TRPM6: variants seen among roughly 807,000 people sequenced by gnomAD.
The protein encoded by TRPM6 is transient receptor potential cation channel subfamily M member 6.
A neutral mutation model predicts 247.6 loss-of-function variants in TRPM6; 111 were observed. The observed-to-expected ratio is 0.45, with a 90% CI of 0.38 to 0.52. The LOEUF (loss-of-function observed/expected upper bound fraction) is 0.52, where lower values mean the gene tolerates loss of function less well. Ranked by LOEUF, TRPM6 falls within the 20% of genes least tolerant of loss-of-function variation. The pLI is 0.00. For missense variants in TRPM6, 2,126 were observed against 2,421.5 expected (o/e 0.88, Z 2.56); for synonymous variants, 892 against 853.8 (o/e 1.04, Z -0.78).
chr9:74,880,965 T>C (rs1206584091), intron 1 of TRPM6, among the ~76,000 whole-genome samples: 1 of 152,104 alleles, frequency 6.6e-6, no homozygotes, highest in Non-Finnish European at 1.5e-5. Context: ...AATTTTCTAC[T>C]TAACACATAT....
rs772245540 is a variant in TRPM6 at position 74,724,676 on chromosome 9, T to C, written c.6006A>G (p.Ser2002=). Residue 2002 remains serine (S), a synonymous_variant, in exon 39 of 39, where the codon TCA becomes TCG. Coordinates refer to ENST00000360774, the MANE Select transcript of TRPM6 (RefSeq NM_017662.5). ...STFGLEIKIE[S]AEEPPARETG... is the part of the protein sequence containing the mutation. Reference sequence around the variant, plus strand: ...TCTCCCTTGCTGGAGGCTCCTCAGCTGATTCTATTTTTATCTCAAGTCCAA... The same window carrying C: ...TCTCCCTTGCTGGAGGCTCCTCAGCCGATTCTATTTTTATCTCAAGTCCAA... 2 of 1,614,226 alleles carry C rather than the reference T, an allele frequency of 1.2e-6. No homozygotes were observed. Among genetic ancestry groups the C allele is most frequent in the Non-Finnish European group, 1.7e-6 (2 of 1,180,018 alleles).
intron 3 of TRPM6, among the ~76,000 whole-genome samples, chr9:74,850,449 G>C (rs1002859311): frequency 5.9e-5 from 9 of 152,062 alleles, no homozygotes; most frequent in African/African-American, 2.2e-4. Flanking sequence ...GCCGGGCGCG[G>C]TGGCTCACGC....
intron 6 of TRPM6, among the ~76,000 whole-genome samples, chr9:74,831,961 T>C (rs1003014200): frequency 2.0e-5 from 3 of 152,170 alleles, no homozygotes; most frequent in Non-Finnish European, 2.9e-5. Flanking sequence ...CAAAGGACAT[T>C]ATAATTAAAT....
At chr9:74,861,401 A>C (rs183217863) in intron 1 of TRPM6, among the ~76,000 whole-genome samples, 10 of 152,228 alleles carry the variant, frequency 6.6e-5, no homozygotes, top group Admixed American at 5.9e-4. Flanking sequence ...TATTTTTTTA[A>C]TTTTTTGTAT....
chr9:74,734,194 G>A (rs1825619343), intron 36 of TRPM6, among the ~76,000 whole-genome samples: 1 of 152,178 alleles, frequency 6.6e-6, no homozygotes, highest in South Asian at 2.1e-4. Context: ...TAAGATTTGG[G>A]CACAATCCAG....
At chr9:74,729,283 G>A (rs1410455997) in intron 37 of TRPM6, among the ~76,000 whole-genome samples, 1 of 152,174 alleles carries the variant, frequency 6.6e-6, no homozygotes, top group Non-Finnish European at 1.5e-5. Flanking sequence ...TATCACAAAA[G>A]GAAACAATAA....
At chr9:74,763,278 C>T (rs1453980760) in intron 25 of TRPM6, 144 bp from the exon 26 acceptor site, 3 of 786,918 alleles carry the variant, frequency 3.8e-6, no homozygotes, top group African/African-American at 1.7e-5. Context: ...TTCTTCTTCG[C>T]CCAATACATA....
At chr9:74,772,264 C>T (rs542821331) in intron 24 of TRPM6, among the ~76,000 whole-genome samples, 4 of 152,226 alleles carry the variant, frequency 2.6e-5, no homozygotes, top group Non-Finnish European at 4.4e-5. Flanking sequence ...GGCTAAAAAG[C>T]GAGACCCTGT....
chr9:74,747,823 G>T, intron 31 of TRPM6, 66 bp downstream of exon 31: 3 of 1,291,818 alleles, frequency 2.3e-6, no homozygotes, highest in South Asian at 1.2e-5. Context: ...ATATCAGCAG[G>T]ACAGTGAACC....
chr9:74,875,216 C>T, intron 1 of TRPM6: 2 of 455,540 alleles, frequency 4.4e-6, no homozygotes, highest in Non-Finnish European at 8.8e-6. Flanking sequence ...GAGATGTTGG[C>T]CTGCACCTTA....
At chr9:74,789,367 A>G (rs1339076103) in intron 19 of TRPM6, among the ~76,000 whole-genome samples, 1 of 152,190 alleles carries the variant, frequency 6.6e-6, no homozygotes, top group Non-Finnish European at 1.5e-5. Flanking sequence ...ATTACTGTGT[A>G]TATATATGTA....
Position 74,724,380 on chromosome 9 carries a change from A to T in TRPM6, c.*233T>A. 1.7e-6 allele frequency: 1 copy of T among 582,008 alleles called. No individual in the cohort carries two copies. Among genetic ancestry groups the T allele is most frequent in the Non-Finnish European group, 3.0e-6 (1 of 328,022 alleles). The allele number at this position is 582,008 out of a possible 1,614,324, so 36.1% of individuals were successfully genotyped here. ...ATATTCCCAGCTGACTCATCCAAGC[A>T]TCTTCGTGTGGAACTTGAGGATGGA... On this transcript the variant is annotated 3_prime_UTR_variant, in exon 39 of 39. Transcript: ENST00000360774.
chr9:74,780,595 G>A (rs1827404251), intron 23 of TRPM6, among the ~76,000 whole-genome samples: 2 of 152,180 alleles, frequency 1.3e-5, no homozygotes, highest in African/African-American at 4.8e-5. Flanking sequence ...TCTGATGTCT[G>A]CTTTTAAAGG....
Position 74,808,021 on chromosome 9 carries a change from T to C in TRPM6, c.1638+13A>G, listed in dbSNP as rs1225376142. On this transcript the variant is annotated intron_variant, in intron 14 of 38. Transcript: ENST00000360774. ...ATTCTCAATTTTACTTGGGCACTTTTCAATTACTCTACCTTGTATTTTCTG... is the reference window on the plus strand; with the variant it reads ...ATTCTCAATTTTACTTGGGCACTTTCCAATTACTCTACCTTGTATTTTCTG... 1 of 1,613,670 alleles carries C rather than the reference T, an allele frequency of 6.2e-7. No individual in the cohort carries two copies. The highest frequency in any genetic ancestry group is 1.3e-5 in the African/African-American group (1 of 74,904).
chr9:74,727,734 T>TA (rs150086367), intron 38 of TRPM6, among the ~76,000 whole-genome samples: 3,982 of 152,202 alleles, frequency 0.026, 170 homozygotes, highest in African/African-American at 0.088. Context: ...AAATCAGATT[T>TA]AAAAAAATAT....
chr9:74,805,648 T>G (rs1228824068), intron 14 of TRPM6, among the ~76,000 whole-genome samples: 1 of 152,170 alleles, frequency 6.6e-6, no homozygotes, highest in Non-Finnish European at 1.5e-5. Flanking sequence ...ATCATTGGTG[T>G]CCTTAAAGCA....
chr9:74,884,765 GA>G (rs1481066954), intron 1 of TRPM6, among the ~76,000 whole-genome samples: 1 of 151,928 alleles, frequency 6.6e-6, no homozygotes, highest in East Asian at 1.9e-4. Flanking sequence ...CACAATCAAG[GA>G]AAAAAACATA....
intron 26 of TRPM6, 50 bp downstream of exon 26, chr9:74,761,949 G>A: frequency 6.3e-7 from 1 of 1,580,340 alleles, no homozygotes; most frequent in Non-Finnish European, 8.7e-7. Flanking sequence ...AACAAAACCA[G>A]TAGCAATGCA....
chr9:74,771,954 T>G, intron 24 of TRPM6, 119 bp from the exon 25 acceptor site: 3 of 924,212 alleles, frequency 3.2e-6, no homozygotes, highest in Non-Finnish European at 5.1e-6. Flanking sequence ...GTTTGTCACC[T>G]TGTCAAACTA....
Sources: allele counts gnomAD v4.1 joint callset (sites outside exome capture counted in the v4.1 genomes callset), GRCh38; gene constraint gnomAD v4.1.1; transcripts MANE v1.5; gene names NCBI Gene and HGNC (gene_info 2026-07-23, HGNC 2026-07-21).